The following WDR70 variants were observed in gnomAD, a reference collection of about 807,000 sequenced individuals.
The protein encoded by WDR70 is WD repeat domain 70, also known as WD repeat-containing protein 70.
WDR70 carries 53 observed loss-of-function variants against 88.6 expected under a neutral mutation model. The observed-to-expected ratio is 0.60, with a 90% CI of 0.48 to 0.75. WDR70 has a LOEUF of 0.75. WDR70 is among the 30% of genes least tolerant of loss of function. The pLI, the probability that WDR70 is intolerant of heterozygous loss-of-function variation, is 0.00. For synonymous variants in WDR70, 280 were observed against 270.0 expected, an observed-to-expected ratio of 1.04 and a Z score of -0.36; for missense variants, 610 against 823.2, an observed-to-expected ratio of 0.74 and a Z score of 3.17.
intron 5 of WDR70, among the ~76,000 whole-genome samples, chr5:37,414,600 TG>T (rs1477561257): frequency 1.4e-4 from 20 of 144,804 alleles, no homozygotes; most frequent in South Asian, 2.1e-4. Flanking sequence ...GAGGACAGTC[TG>T]TTTTTTTTTT....
chr5:37,383,069 A>C (rs1430512213), intron 3 of WDR70, among the ~76,000 whole-genome samples: 4 of 151,982 alleles, frequency 2.6e-5, no homozygotes, highest in Non-Finnish European at 4.4e-5. Context: ...ACTCCATCTT[A>C]AAATAAAATA....
At chr5:37,539,807 A>G (rs1741763014) in intron 9 of WDR70, among the ~76,000 whole-genome samples, 1 of 152,174 alleles carries the variant, frequency 6.6e-6, no homozygotes, top group Non-Finnish European at 1.5e-5. Flanking sequence ...TTTTTCCCCA[A>G]TAAGGATAAA....
intron 15 of WDR70, 71 bp from the exon 16 acceptor site, chr5:37,724,863 A>G (rs1030386233): frequency 4.0e-5 from 53 of 1,310,240 alleles, no homozygotes. Context: ...TCAGTTAGTC[A>G]TGCTTTAACT....
chr5:37,719,723 C>G (rs1008804611), intron 13 of WDR70, among the ~76,000 whole-genome samples: 9 of 152,072 alleles, frequency 5.9e-5, no homozygotes, highest in Admixed American at 5.2e-4. Context: ...CTCCTTAGTT[C>G]CTCTGGAATC....
chr5:37,391,380 G>A (rs1331490240), intron 3 of WDR70, among the ~76,000 whole-genome samples: 1 of 152,132 alleles, frequency 6.6e-6, no homozygotes, highest in African/African-American at 2.4e-5. Flanking sequence ...CATCTTGTAA[G>A]ACTGAAACTC....
Position 37,701,123 on chromosome 5 carries a change from C to T in WDR70, c.1258C>T (p.Leu420Phe). ...TAAACCACTTTTTTCAGCCTCGGGT[C>T]TTCCCACCATGTTCCCAATGTAAGT... is the stretch of plus-strand genomic sequence containing the variant. ...FNKPLFSASG[L>F]PTMFPMTDCC... Residue 420 changes from leucine to phenylalanine, a missense_variant, in exon 12 of 18, where the codon CTT (leucine) becomes TTT (phenylalanine). Physicochemically the swap from Leu to Phe is conservative, Grantham distance 22. This residue lies in a region of WDR70 where 254 missense variants were observed against 300.7 expected (regional missense o/e 0.84). Coordinates refer to ENST00000265107, the MANE Select transcript of WDR70 (RefSeq NM_018034.4). 1.9e-6 allele frequency: 3 copies of T among 1,607,500 alleles called. No individual in the cohort carries two copies. Among genetic ancestry groups the T allele is most frequent in the Non-Finnish European group, 2.6e-6 (3 of 1,174,370 alleles).
intron 14 of WDR70, 47 bp downstream of exon 14, chr5:37,721,262 G>A (rs1747807105): frequency 1.3e-6 from 2 of 1,548,184 alleles, no homozygotes; most frequent in African/African-American, 1.4e-5. Flanking sequence ...AACAACTGGG[G>A]GGAGGGATTT....
At chr5:37,488,396 T>C (rs1449964461) in intron 8 of WDR70, among the ~76,000 whole-genome samples, 3 of 152,012 alleles carry the variant, frequency 2.0e-5, no homozygotes, top group Non-Finnish European at 4.4e-5. Flanking sequence ...AGGTTTTCTA[T>C]GCCATTGATC....
chr5:37,641,951 T>C (rs929429589), intron 10 of WDR70, among the ~76,000 whole-genome samples: 1 of 152,240 alleles, frequency 6.6e-6, no homozygotes, highest in Non-Finnish European at 1.5e-5. Context: ...TGTAATTAAA[T>C]GTTACTTTAA....
At position 37,569,582 on chromosome 5, in the gene WDR70, C is replaced by T. The variant is rs78544968; in HGVS notation, c.918-35482C>T. Among the ~76,000 whole-genome samples the T allele has an allele frequency of 1.9e-3, 289 of 152,260 alleles. 1 individual carries two copies. The highest frequency in any genetic ancestry group is 6.6e-3 in the African/African-American group (276 of 41,546). On this transcript the variant is annotated intron_variant, in intron 9 of 17. Coordinates refer to ENST00000265107, the MANE Select transcript of WDR70 (RefSeq NM_018034.4). Reference sequence around the variant, plus strand: ...ATCTTGTACTCCTTTTTCATTCTTGCGTGCTCAATGTTTTGATGAAGTGTG... The same window carrying T: ...ATCTTGTACTCCTTTTTCATTCTTGTGTGCTCAATGTTTTGATGAAGTGTG...
chr5:37,628,756 A>G (rs763186342), intron 10 of WDR70, among the ~76,000 whole-genome samples: 1 of 152,180 alleles, frequency 6.6e-6, no homozygotes, highest in Non-Finnish European at 1.5e-5. Context: ...TATTTTGCAT[A>G]TCCTTTGTTC....
chr5:37,491,276 C>T lies in WDR70; in HGVS notation c.840+11289C>T, dbSNP rs116843045. Among the ~76,000 whole-genome samples, 157 of 152,278 alleles carry T rather than the reference C, an allele frequency of 1.0e-3. 1 individual carries two copies. In the East Asian group the frequency reaches 0.027, roughly 26 times the overall value. Reference sequence around the variant, plus strand: ...TCTCTGCTGAATTCCAACATTCTCTCTTTGATGCTGTATTTGAAGTGTGAT... The same window carrying T: ...TCTCTGCTGAATTCCAACATTCTCTTTTTGATGCTGTATTTGAAGTGTGAT... On this transcript the variant is annotated intron_variant, in intron 8 of 17. Transcript: ENST00000265107.
chr5:37,437,342 T>G (rs1255458936), intron 5 of WDR70, among the ~76,000 whole-genome samples: 1 of 152,170 alleles, frequency 6.6e-6, no homozygotes, highest in Non-Finnish European at 1.5e-5. Context: ...TGTTAGAAAT[T>G]AAGTACTTAA....
intron 9 of WDR70, among the ~76,000 whole-genome samples, chr5:37,559,153 C>T (rs916110940): frequency 6.6e-6 from 1 of 151,972 alleles, no homozygotes; most frequent in Non-Finnish European, 1.5e-5. Flanking sequence ...AGGCTGGTCT[C>T]GAACTCCTGA....
At chr5:37,739,102 A>C (rs564430805) in intron 17 of WDR70, among the ~76,000 whole-genome samples, 1 of 152,354 alleles carries the variant, frequency 6.6e-6, no homozygotes, top group Non-Finnish European at 1.5e-5. Context: ...TGAGTTACTC[A>C]AACTGGAAAA....
intron 4 of WDR70, among the ~76,000 whole-genome samples, chr5:37,393,123 A>C (rs1581245407): frequency 6.6e-6 from 1 of 151,896 alleles, no homozygotes; most frequent in Non-Finnish European, 1.5e-5. Flanking sequence ...GCTCACTGCA[A>C]CCTCCGCCTC....
At chr5:37,447,897 T>C (rs1435392585) in intron 7 of WDR70, among the ~76,000 whole-genome samples, 10 of 152,078 alleles carry the variant, frequency 6.6e-5, no homozygotes, top group Non-Finnish European at 1.5e-4. Context: ...GTAACAAACC[T>C]GCACGTTGTG....
chr5:37,728,190 A>C (rs1377197391), intron 17 of WDR70, among the ~76,000 whole-genome samples: 1 of 151,876 alleles, frequency 6.6e-6, no homozygotes, highest in Non-Finnish European at 1.5e-5. Flanking sequence ...ACTACTAAAA[A>C]CACAAAAATT....
At chr5:37,584,324 C>T (rs906862541) in intron 9 of WDR70, among the ~76,000 whole-genome samples, 2 of 152,128 alleles carry the variant, frequency 1.3e-5, no homozygotes, top group African/African-American at 2.4e-5. Flanking sequence ...ACGATTTCTT[C>T]GAATAATTCT....
Sources: allele counts gnomAD v4.1 joint callset (sites outside exome capture counted in the v4.1 genomes callset), GRCh38; gene constraint gnomAD v4.1.1; regional missense constraint gnomAD v4.1.1; transcripts MANE v1.5; gene names NCBI Gene and HGNC (gene_info 2026-07-23, HGNC 2026-07-21).